The following SPPL3 variants were observed in gnomAD, a reference collection of about 807,000 sequenced individuals.
SPPL3 encodes signal peptide peptidase-like 3.
SPPL3 carries 5 observed loss-of-function variants against 42.4 expected under a neutral mutation model. That is an observed-to-expected ratio of 0.12 (90% CI 0.06 to 0.25). The LOEUF is 0.25. Ranked by LOEUF, SPPL3 falls within the 10% of genes least tolerant of loss-of-function variation. SPPL3 has a pLI of 1.00. For missense variants in SPPL3, 235 were observed against 489.0 expected (o/e 0.48, Z 4.90); for synonymous variants, 195 against 181.8 (o/e 1.07, Z -0.58).
At chr12:120,783,295 T>C (rs1869603992) in intron 5 of SPPL3, among the ~76,000 whole-genome samples, 1 of 152,148 alleles carries the variant, frequency 6.6e-6, no homozygotes, top group African/African-American at 2.4e-5. Flanking sequence ...CGCAAGTAGG[T>C]AGCATATCTA....
chr12:120,875,592 G>A (rs1873061077), intron 1 of SPPL3, among the ~76,000 whole-genome samples: 1 of 148,662 alleles, frequency 6.7e-6, no homozygotes, highest in Non-Finnish European at 1.5e-5. Context: ...CTGTGCCACT[G>A]CCCTCTAGCC....
intron 1 of SPPL3, among the ~76,000 whole-genome samples, chr12:120,853,972 ACACG>A (rs1219218277): frequency 1.5e-5 from 2 of 131,350 alleles, no homozygotes; most frequent in Non-Finnish European, 3.2e-5. Context: ...ACCACCACAC[ACACG>A]CACACATACA....
intron 1 of SPPL3, among the ~76,000 whole-genome samples, chr12:120,812,614 A>G (rs998452472): frequency 6.6e-6 from 1 of 152,210 alleles, no homozygotes; most frequent in African/African-American, 2.4e-5. Flanking sequence ...AGGCCTGGGA[A>G]ATCTCCAAAT....
chr12:120,885,179 A>C (rs1873415239), intron 1 of SPPL3, among the ~76,000 whole-genome samples: 1 of 152,224 alleles, frequency 6.6e-6, no homozygotes, highest in South Asian at 2.1e-4. Flanking sequence ...TCAAAAATGA[A>C]GCTAATGAAC....
intron 1 of SPPL3, among the ~76,000 whole-genome samples, chr12:120,825,396 A>T (rs532779785): frequency 6.6e-6 from 1 of 152,358 alleles, no homozygotes; most frequent in South Asian, 2.1e-4. Context: ...GTTAGGAAAC[A>T]CTAAAGAGCA....
chr12:120,861,418 T>C lies in SPPL3; in HGVS notation c.23+42427A>G, dbSNP rs373388821. Among the ~76,000 whole-genome samples, 13 of 152,220 alleles carry C rather than the reference T, an allele frequency of 8.5e-5. No homozygotes were observed. The South Asian group carries it at 2.3e-3, about 27-fold the overall frequency. ...CAAAAGGACAGATCCTTGAAAAGGG[T>C]GTTGGCAATAAATAACAGGAAGGGA... On this transcript the variant is annotated intron_variant, in intron 1 of 10. Coordinates refer to ENST00000353487, the MANE Select transcript of SPPL3 (RefSeq NM_139015.5).
At chr12:120,772,695 A>T (rs531811481) in intron 6 of SPPL3, among the ~76,000 whole-genome samples, 1 of 152,326 alleles carries the variant, frequency 6.6e-6, no homozygotes, top group South Asian at 2.1e-4. Context: ...TGGACACATC[A>T]ACTAAATTAC....
intron 1 of SPPL3, among the ~76,000 whole-genome samples, chr12:120,885,494 A>C (rs1452809844): frequency 1.3e-5 from 2 of 152,206 alleles, no homozygotes; most frequent in Non-Finnish European, 2.9e-5. Context: ...ACTCAAAAGC[A>C]TGTGAGTACC....
At position 120,880,835 on chromosome 12, in the gene SPPL3, T is replaced by C. The variant is rs542067568; in HGVS notation, c.23+23010A>G. On this transcript the variant is annotated intron_variant, in intron 1 of 10. Coordinates refer to ENST00000353487, the MANE Select transcript of SPPL3 (RefSeq NM_139015.5). ...AATCATATAACTGATAAGGGATTGA[T>C]ATCCAGAATATACTAATAACTACAG... Among the ~76,000 whole-genome samples, 3 of 150,802 alleles carry C rather than the reference T, an allele frequency of 2.0e-5. No homozygotes were observed. The South Asian group carries it at 6.3e-4, about 32-fold the overall frequency.
intron 9 of SPPL3, among the ~76,000 whole-genome samples, chr12:120,767,023 T>G (rs530328068): frequency 1.3e-4 from 20 of 152,120 alleles, no homozygotes; most frequent in Admixed American, 2.6e-4. Context: ...TAGGTCAGAG[T>G]GGCAGAAATG....
chr12:120,867,579 C>T (rs1280701194), intron 1 of SPPL3, among the ~76,000 whole-genome samples: 1 of 151,710 alleles, frequency 6.6e-6, no homozygotes, highest in Admixed American at 6.6e-5. Flanking sequence ...GCAGAGGAAT[C>T]GCTTGAACCC....
intron 3 of SPPL3, 49 bp downstream of exon 3, chr12:120,791,420 A>T: frequency 7.2e-7 from 1 of 1,390,110 alleles, no homozygotes; most frequent in Non-Finnish European, 9.9e-7. Context: ...GAAACAGCCA[A>T]ATTAAGAAAA....
intron 1 of SPPL3, among the ~76,000 whole-genome samples, chr12:120,872,080 G>T (rs1044597278): frequency 2.0e-5 from 3 of 152,196 alleles, no homozygotes; most frequent in Non-Finnish European, 2.9e-5. Context: ...CTGGATTAGG[G>T]ATACTCAACC....
At chr12:120,856,226 G>A (rs536161707) in intron 1 of SPPL3, among the ~76,000 whole-genome samples, 1 of 151,982 alleles carries the variant, frequency 6.6e-6, no homozygotes, top group Non-Finnish European at 1.5e-5. Flanking sequence ...TGTGGCTTAG[G>A]CTTATGATGC....
At chr12:120,812,412 G>A (rs184660672) in intron 1 of SPPL3, among the ~76,000 whole-genome samples, 54 of 152,260 alleles carry the variant, frequency 3.5e-4, no homozygotes, top group Middle Eastern at 3.4e-3. Flanking sequence ...GATTACAGGC[G>A]TGAGCCACTG....
chr12:120,903,742 C>A (rs1345675843), intron 1 of SPPL3, 103 bp downstream of exon 1: 21 of 744,034 alleles, frequency 2.8e-5, no homozygotes, highest in African/African-American at 2.1e-4. Context: ...GCCCCCCCCC[C>A]ACGACACGCA....
chr12:120,845,441 C>T (rs946385922), intron 1 of SPPL3: 11 of 404,248 alleles, frequency 2.7e-5, no homozygotes, highest in East Asian at 1.2e-4. Context: ...GGATCTTGTC[C>T]GAGCCGCCCA....
chr12:120,814,665 C>CAGAGG (rs1870805659), intron 1 of SPPL3, among the ~76,000 whole-genome samples: 1 of 152,034 alleles, frequency 6.6e-6, no homozygotes, highest in South Asian at 2.1e-4. Flanking sequence ...AGTACATACA[C>CAGAGG]AGAGGTCTTA....
chr12:120,868,642 C>T (rs1872833459), intron 1 of SPPL3, among the ~76,000 whole-genome samples: 1 of 152,040 alleles, frequency 6.6e-6, no homozygotes, highest in South Asian at 2.1e-4. Flanking sequence ...CCACCATGCC[C>T]AGCTAATTTT....
Sources: gnomAD v4.1 joint callset for allele counts (sites outside exome capture counted in the v4.1 genomes callset) on GRCh38, gnomAD v4.1.1 for gene constraint, MANE v1.5 for transcripts, NCBI Gene and HGNC (gene_info 2026-07-23, HGNC 2026-07-21) for gene names.